The following CATSPERT variants were observed in gnomAD, a reference collection of about 807,000 sequenced individuals.
The protein encoded by CATSPERT is cation channel sperm-associated targeting subunit tau.
chr2:201,604,141 G>GTGTA, the CATSPERT span, among the ~76,000 whole-genome samples: 1 of 129,390 alleles, frequency 7.7e-6, no homozygotes, highest in East Asian at 3.0e-4. Context: ...TGGTGTGTGT[G>GTGTA]TGTATGTGTG....
At chr2:201,505,334 G>A in the CATSPERT span, among the ~76,000 whole-genome samples, 1 of 152,120 alleles carries the variant, frequency 6.6e-6, no homozygotes, top group Non-Finnish European at 1.5e-5. Flanking sequence ...GCCCACCTCG[G>A]CCTCCCAAAG....
chr2:201,578,888 C>T, the CATSPERT span, among the ~76,000 whole-genome samples: 835 of 152,184 alleles, frequency 5.5e-3, 7 homozygotes, highest in African/African-American at 0.019. Context: ...AGATCTTCTC[C>T]CAAAATATTT....
the CATSPERT span, among the ~76,000 whole-genome samples, chr2:201,571,291 C>T: frequency 1.4e-4 from 22 of 152,298 alleles, no homozygotes; most frequent in South Asian, 4.6e-3. Flanking sequence ...CTTCAGAGCA[C>T]AATTTCCCGT....
chr2:201,516,359 TAC>T, the CATSPERT span, among the ~76,000 whole-genome samples: 445 of 152,298 alleles, frequency 2.9e-3, 2 homozygotes, highest in Non-Finnish European at 5.5e-3. Flanking sequence ...TCAGGAAACT[TAC>T]AGTCAAGGTG....
At chr2:201,549,965 A>C in the CATSPERT span, 1 of 152,156 alleles carries the variant, frequency 6.6e-6, no homozygotes, top group African/African-American at 2.4e-5. Context: ...ACAGACTACA[A>C]AGACCTGAAG....
chr2:201,531,214 C>T, the CATSPERT span, among the ~76,000 whole-genome samples: 28 of 152,084 alleles, frequency 1.8e-4, no homozygotes, highest in African/African-American at 6.5e-4. Context: ...CTGCCTCGGC[C>T]TCCCAGAGTG....
At chr2:201,610,406 C>T in the CATSPERT span, among the ~76,000 whole-genome samples, 3 of 151,142 alleles carry the variant, frequency 2.0e-5, no homozygotes, top group African/African-American at 4.9e-5. Context: ...TGCAGTGAGC[C>T]GAGATCATGC....
the CATSPERT span, chr2:201,493,959 A>T: frequency 6.5e-7 from 1 of 1,536,716 alleles, no homozygotes; most frequent in Non-Finnish European, 8.7e-7. Flanking sequence ...TAATTATCTG[A>T]CCCCCTTCTG....
the CATSPERT span, among the ~76,000 whole-genome samples, chr2:201,594,712 A>G: frequency 0.96 from 144,621 of 150,952 alleles, 69,513 homozygotes; most frequent in Non-Finnish European, 1. Flanking sequence ...TTCCCTTCTC[A>G]CTTCATTTCA....
chr2:201,570,888 C>T, the CATSPERT span, among the ~76,000 whole-genome samples: 2 of 152,214 alleles, frequency 1.3e-5, no homozygotes, highest in Non-Finnish European at 2.9e-5. Context: ...TCACTCCAAG[C>T]ACTTTCTTTT....
the CATSPERT span, among the ~76,000 whole-genome samples, chr2:201,518,297 A>G: frequency 6.6e-6 from 1 of 152,302 alleles, no homozygotes; most frequent in South Asian, 2.1e-4. Flanking sequence ...GCCCAGATAG[A>G]CCCAATAAAC....
the CATSPERT span, among the ~76,000 whole-genome samples, chr2:201,496,532 G>A: frequency 1.3e-5 from 2 of 152,190 alleles, no homozygotes; most frequent in African/African-American, 4.8e-5. Flanking sequence ...TTGTAGAGAC[G>A]GGGTTTTGCC....
the CATSPERT span, among the ~76,000 whole-genome samples, chr2:201,618,054 A>G: frequency 6.6e-6 from 1 of 152,294 alleles, no homozygotes; most frequent in Non-Finnish European, 1.5e-5. Context: ...AAAAGTCAGG[A>G]AACAACAGGT....
chr2:201,497,383 C>T, the CATSPERT span, among the ~76,000 whole-genome samples: 1 of 152,106 alleles, frequency 6.6e-6, no homozygotes, highest in African/African-American at 2.4e-5. Flanking sequence ...GCTTAAATTT[C>T]TCCCAAATCT....
At chr2:201,618,998 C>A in the CATSPERT span, 6 of 1,614,098 alleles carry the variant, frequency 3.7e-6, no homozygotes, top group South Asian at 3.3e-5. Flanking sequence ...GCCTCCGACC[C>A]TTTAATGTGC....
the CATSPERT span, among the ~76,000 whole-genome samples, chr2:201,569,272 G>C: frequency 6.6e-6 from 1 of 151,990 alleles, no homozygotes; most frequent in Non-Finnish European, 1.5e-5. Flanking sequence ...CCATGACTCT[G>C]TTTTTATGAT....
the CATSPERT span, among the ~76,000 whole-genome samples, chr2:201,567,293 C>T: frequency 2.0e-5 from 3 of 152,186 alleles, no homozygotes; most frequent in African/African-American, 4.8e-5. Flanking sequence ...GGAGATATAG[C>T]TAAACATTCT....
At chr2:201,488,037 C>T in the CATSPERT span, 2 of 708,592 alleles carry the variant, frequency 2.8e-6, no homozygotes, top group African/African-American at 3.6e-5. Flanking sequence ...ATAATAGCAA[C>T]AGTTAAAGAC....
At chr2:201,594,345 T>A in the CATSPERT span, among the ~76,000 whole-genome samples, 2 of 152,238 alleles carry the variant, frequency 1.3e-5, no homozygotes, top group African/African-American at 4.8e-5. Context: ...TGCCGAGAGA[T>A]CCACTGTTAG....
Sources: gnomAD v4.1 joint callset for allele counts (sites outside exome capture counted in the v4.1 genomes callset) on GRCh38, gnomAD v4.1.1 for gene constraint, MANE v1.5 for transcripts, NCBI Gene and HGNC (gene_info 2026-07-23, HGNC 2026-07-21) for gene names.